Variants in ELAPOR1 observed in about 807,000 individuals in gnomAD.
ELAPOR1 encodes the protein endosome/lysosome-associated apoptosis and autophagy regulator 1.
Under a neutral mutation model 119.7 loss-of-function variants are expected in ELAPOR1, and 77 were observed. The ratio of observed to expected loss-of-function variants is 0.64; its 90% CI spans 0.54 to 0.78. ELAPOR1 has a LOEUF of 0.78. ELAPOR1 is among the 30% of genes least tolerant of loss of function. ELAPOR1 has a pLI of 0.00. For synonymous variants in ELAPOR1, 481 were observed against 487.2 expected, an observed-to-expected ratio of 0.99 and a Z score of 0.17; for missense variants, 1,115 against 1,270.4, an observed-to-expected ratio of 0.88 and a Z score of 1.86.
At chr1:109,159,033 G>C (rs1651074485) in intron 1 of ELAPOR1, among the ~76,000 whole-genome samples, 4 of 151,990 alleles carry the variant, frequency 2.6e-5, no homozygotes, top group African/African-American at 9.7e-5. Context: ...GAGTAGCTGG[G>C]ATTACAGGCG....
rs764517385 is a variant in ELAPOR1 at position 109,198,055 on chromosome 1, G to A, written c.2379G>A (p.Pro793=). ...TCCACCTGGAGTCCTTGGGAATACC[G>A]GACGTGATCTTCTTTTATAGGTGAA... ...ELFHLESLGI[P]DVIFFYRSND... The change falls in exon 17 of 22, where the codon CCG becomes CCA. Residue 793 remains proline, a synonymous_variant. Transcript: ENST00000369939. 43 of 1,613,484 alleles carry A rather than the reference G, an allele frequency of 2.7e-5. No individual in the cohort carries two copies. Among genetic ancestry groups the A allele is most frequent in the East Asian group, 4.5e-5 (2 of 44,894 alleles).
chr1:109,172,705 G>A (rs982236701), intron 5 of ELAPOR1, 137 bp downstream of exon 5: 4 of 659,946 alleles, frequency 6.1e-6, no homozygotes, highest in Non-Finnish European at 1.1e-5. Flanking sequence ...TGAAGATGCT[G>A]TAGTTACTGT....
At chr1:109,194,698 G>A (rs2359241) in intron 15 of ELAPOR1, 104 bp downstream of exon 15, 809,389 of 1,076,524 alleles carry the variant, frequency 0.75, 312,423 homozygotes, top group East Asian at 1. Context: ...CAGGTAGCAG[G>A]GGGTTGAGGA....
chr1:109,127,643 G>A (rs559756348), intron 1 of ELAPOR1, among the ~76,000 whole-genome samples: 103 of 152,014 alleles, frequency 6.8e-4, no homozygotes, highest in Middle Eastern at 3.4e-3. Flanking sequence ...CACTGTTCAC[G>A]GCAGCCTTGA....
At chr1:109,183,432 GA>G (rs1652841303) in intron 7 of ELAPOR1, among the ~76,000 whole-genome samples, 1 of 151,648 alleles carries the variant, frequency 6.6e-6, no homozygotes, top group Non-Finnish European at 1.5e-5. Flanking sequence ...TGAATTCATA[GA>G]AGTAGTTCTC....
In ELAPOR1 at chr1:109,164,546, T is replaced by A. The variant is rs1249071578; in HGVS notation, c.322T>A (p.Cys108Ser). 4 of 1,614,014 alleles carry A rather than the reference T, an allele frequency of 2.5e-6. No individual in the cohort carries two copies. Among genetic ancestry groups the A allele is most frequent in the Non-Finnish European group, 2.5e-6 (3 of 1,179,954 alleles). The change falls in exon 3 of 22, where the codon TGT becomes AGT. Residue 108 changes from cysteine to serine, a missense_variant. Coordinates refer to ENST00000369939, the MANE Select transcript of ELAPOR1 (RefSeq NM_020775.5). The part of the protein sequence containing the change: ...GEFLDMKDQS[C>S]KPCAEGRYSL... The stretch of plus-strand genomic sequence containing the variant: ...GTTTCTGGATATGAAGGACCAGTCA[T>A]GTAAGCCATGCGCTGAGGGCCGCTA...
intron 7 of ELAPOR1, among the ~76,000 whole-genome samples, chr1:109,179,465 G>A (rs1473945507): frequency 1.3e-5 from 2 of 151,622 alleles, no homozygotes; most frequent in Non-Finnish European, 2.9e-5. Flanking sequence ...TCAGGAAACT[G>A]CAAATAATTC....
At position 109,144,061 on chromosome 1, in the gene ELAPOR1, A is replaced by ATATTTTTTTTTTTTTTTTT; in HGVS notation, c.154-17832_154-17831insATTTTTTTTTTTTTTTTTT. On this transcript the variant is annotated intron_variant, in intron 1 of 21. Transcript: ENST00000369939. ...TATATATATATATATATATTTATATATTTTTTTTTTTTTTTGAGATGGAGT... is the reference window on the plus strand; with the variant it reads ...TATATATATATATATATATTTATATATATTTTTTTTTTTTTTTTTTTTTTTTTTTTTTTTGAGATGGAGT... Among the ~76,000 whole-genome samples, 170 of 88,942 alleles carry ATATTTTTTTTTTTTTTTTT rather than the reference A, an allele frequency of 1.9e-3. 8 individuals are homozygous for ATATTTTTTTTTTTTTTTTT. The highest frequency in any genetic ancestry group is 2.2e-3 in the Non-Finnish European group (105 of 47,366). 58.3% of individuals were successfully genotyped at this position (88,942 alleles called of 152,430 possible).
At chr1:109,178,026 T>TTTTGAGATG (rs1652457440) in intron 7 of ELAPOR1, among the ~76,000 whole-genome samples, 1 of 150,862 alleles carries the variant, frequency 6.6e-6, no homozygotes, top group African/African-American at 2.4e-5. Context: ...TTTTTTTTTT[T>TTTTGAGATG]GAGATGGAGT....
chr1:109,191,957 A>G, intron 13 of ELAPOR1, 94 bp downstream of exon 13: 1 of 1,470,790 alleles, frequency 6.8e-7, no homozygotes, highest in South Asian at 1.2e-5. Flanking sequence ...GAAGTTCAGA[A>G]TCTGAGGGTT....
At chr1:109,128,684 A>G (rs189859657) in intron 1 of ELAPOR1, among the ~76,000 whole-genome samples, 9 of 152,312 alleles carry the variant, frequency 5.9e-5, no homozygotes, top group Admixed American at 4.6e-4. Context: ...AAAAAGTATT[A>G]ATTTTTAAAC....
rs1296995095 is a variant in ELAPOR1 at position 109,203,366 on chromosome 1, C to G, written c.*354C>G. On this transcript the variant is annotated 3_prime_UTR_variant, in exon 22 of 22. Coordinates refer to ENST00000369939, the MANE Select transcript of ELAPOR1 (RefSeq NM_020775.5). ...GTATAGAAACTATTTCCTCTGTCCT[C>G]TAACTTAAGGGCAGAAACAGCTGGG... is the stretch of plus-strand genomic sequence containing the variant. 4.2e-6 allele frequency: 1 copy of G among 239,976 alleles called. No individual in the cohort carries two copies. The highest frequency in any genetic ancestry group is 2.3e-5 in the African/African-American group (1 of 42,672). 14.9% of individuals were successfully genotyped at this position (239,976 alleles called of 1,614,324 possible).
intron 1 of ELAPOR1, among the ~76,000 whole-genome samples, chr1:109,153,616 G>GTGTTTTGTTTTGTTTTGTTT (rs201426802): frequency 6.7e-6 from 1 of 148,352 alleles, no homozygotes; most frequent in African/African-American, 2.5e-5. Flanking sequence ...CTTGTGGCAG[G>GTGTTTTGTTTTGTTTTGTTT]TGTTTTGTTT....
intron 1 of ELAPOR1, among the ~76,000 whole-genome samples, chr1:109,130,871 C>A (rs374138543): frequency 4.1e-4 from 63 of 152,050 alleles, no homozygotes; most frequent in Admixed American, 4.1e-3. Context: ...GACATGGTGA[C>A]GTAAATCTGT....
At position 109,153,105 on chromosome 1, in the gene ELAPOR1, G is replaced by A. The variant is rs533082322; in HGVS notation, c.154-8789G>A. ...GAGTATTGAAGTTGGGCAATGAGAT[G>A]GGGCTCATTGCACTGTTTTGTTTTT... On this transcript the variant is annotated intron_variant, in intron 1 of 21. Transcript: ENST00000369939. Among the ~76,000 whole-genome samples the A allele has an allele frequency of 2.1e-3, 324 of 152,054 alleles. 1 individual carries two copies. The highest frequency in any genetic ancestry group is 7.5e-3 in the African/African-American group (310 of 41,466).
intron 7 of ELAPOR1, among the ~76,000 whole-genome samples, chr1:109,184,217 C>G (rs1330533214): frequency 6.6e-6 from 1 of 152,040 alleles, no homozygotes; most frequent in Non-Finnish European, 1.5e-5. Flanking sequence ...ACTAAAAATA[C>G]AAAATTAGCC....
chr1:109,161,182 C>T (rs1414128698), intron 1 of ELAPOR1, among the ~76,000 whole-genome samples: 3 of 152,066 alleles, frequency 2.0e-5, no homozygotes, highest in Non-Finnish European at 4.4e-5. Flanking sequence ...GAGGCCAAGG[C>T]AGGTGGATCA....
At chr1:109,187,816 T>C in intron 8 of ELAPOR1, 1 of 952,712 alleles carries the variant, frequency 1.0e-6, no homozygotes, top group Non-Finnish European at 1.3e-6. Flanking sequence ...CTTTCTGTGT[T>C]CTGGGATTTT....
At chr1:109,169,624 T>C (rs889641471) in intron 3 of ELAPOR1, among the ~76,000 whole-genome samples, 1 of 152,080 alleles carries the variant, frequency 6.6e-6, no homozygotes, top group African/African-American at 2.4e-5. Context: ...GTGTTTTCGA[T>C]TACCTGTTTC....
Sources: gnomAD v4.1 joint callset for allele counts (sites outside exome capture counted in the v4.1 genomes callset) on GRCh38, gnomAD v4.1.1 for gene constraint, MANE v1.5 for transcripts, NCBI Gene and HGNC (gene_info 2026-07-23, HGNC 2026-07-21) for gene names.